HS3ST4: variants seen among roughly 807,000 people sequenced by gnomAD.
The protein encoded by HS3ST4 is heparan sulfate glucosamine 3-O-sulfotransferase 4.
HS3ST4 carries 17 observed loss-of-function variants against 29.2 expected under a neutral mutation model. The ratio of observed to expected loss-of-function variants is 0.58; its 90% CI spans 0.40 to 0.87. The LOEUF (loss-of-function observed/expected upper bound fraction) is 0.87. HS3ST4 is among the 40% of genes least tolerant of loss of function. The probability of loss-of-function intolerance (pLI) is 0.00; values close to 1 mark genes in which losing one functional copy is unlikely to be tolerated. For synonymous variants in HS3ST4, 314 were observed against 285.7 expected, an observed-to-expected ratio of 1.10 and a Z score of -1.00; for missense variants, 627 against 634.5, an observed-to-expected ratio of 0.99 and a Z score of 0.13.
chr16:25,864,713 CAG>C (rs1291627335), intron 1 of HS3ST4, among the ~76,000 whole-genome samples: 1 of 151,970 alleles, frequency 6.6e-6, no homozygotes, highest in Non-Finnish European at 1.5e-5. Flanking sequence ...TCTCAAGTAA[CAG>C]AGTTTCCTTC....
intron 1 of HS3ST4, among the ~76,000 whole-genome samples, chr16:25,846,828 C>T (rs1159641166): frequency 6.6e-6 from 1 of 152,086 alleles, no homozygotes; most frequent in Non-Finnish European, 1.5e-5. Flanking sequence ...GAAGTTTTCT[C>T]AATACCGTCG....
At chr16:26,118,949 C>A (rs1358110070) in intron 1 of HS3ST4, among the ~76,000 whole-genome samples, 1 of 152,152 alleles carries the variant, frequency 6.6e-6, no homozygotes, top group Admixed American at 6.5e-5. Flanking sequence ...ATAATAGCAA[C>A]AATAACAACA....
intron 1 of HS3ST4, among the ~76,000 whole-genome samples, chr16:25,949,988 C>T (rs758458894): frequency 1.5e-4 from 23 of 150,578 alleles, no homozygotes; most frequent in South Asian, 2.1e-4. Context: ...AGCCGCAGTG[C>T]GCCCAGTACC....
chr16:25,694,088 A>G (rs1966276132), intron 1 of HS3ST4, among the ~76,000 whole-genome samples: 1 of 152,124 alleles, frequency 6.6e-6, no homozygotes, highest in South Asian at 2.1e-4. Context: ...CCTGTTTTAT[A>G]TCTTTCTGGG....
intron 1 of HS3ST4, among the ~76,000 whole-genome samples, chr16:25,860,983 G>A (rs1233721130): frequency 6.6e-6 from 1 of 152,166 alleles, no homozygotes; most frequent in Non-Finnish European, 1.5e-5. Context: ...GAGGATATGG[G>A]AAATCCCTGT....
intron 1 of HS3ST4, among the ~76,000 whole-genome samples, chr16:25,789,421 TCCTTCCTTCCTTCCTTCCTTCCTTCCTTC>T (rs1386916170): frequency 2.0e-5 from 1 of 51,132 alleles, no homozygotes; most frequent in African/African-American, 1.1e-4. Flanking sequence ...CTTCCTTCCT[TCCTTCCTTCCTTCCTTCCTTCCTTCCTTC>T]CTTCCTTCCT....
intron 1 of HS3ST4, among the ~76,000 whole-genome samples, chr16:26,081,733 C>G (rs1401609220): frequency 6.6e-6 from 1 of 150,648 alleles, no homozygotes; most frequent in Non-Finnish European, 1.5e-5. Context: ...AGAGAACAAG[C>G]CACTTAGGAA....
In HS3ST4 at chr16:25,953,784, T is replaced by C. The variant is rs533102336; in HGVS notation, c.735-181828T>C. 5.9e-5 allele frequency among the ~76,000 whole-genome samples: 9 copies of C among 152,280 alleles called. No individual in the cohort carries two copies. The South Asian group carries it at 1.9e-3, about 32-fold the overall frequency. ...GGAAGGATGCCAATTCTGGGTGTGT[T>C]CATGAACAAATTATATTGGATCCAT... is the stretch of plus-strand genomic sequence containing the variant. On this transcript the variant is annotated intron_variant, in intron 1 of 1. Transcript: ENST00000331351.
chr16:25,762,600 C>T (rs1337909426), intron 1 of HS3ST4, among the ~76,000 whole-genome samples: 5 of 152,012 alleles, frequency 3.3e-5, no homozygotes, highest in Non-Finnish European at 7.4e-5. Flanking sequence ...CCTGCAACCC[C>T]AGCACACCTG....
intron 1 of HS3ST4, among the ~76,000 whole-genome samples, chr16:25,922,533 TA>T (rs1968364042): frequency 6.6e-6 from 1 of 152,222 alleles, no homozygotes; most frequent in Non-Finnish European, 1.5e-5. Flanking sequence ...CTGAACTGAC[TA>T]AGACACTGGT....
chr16:25,866,444 G>T (rs1967695320), intron 1 of HS3ST4, among the ~76,000 whole-genome samples: 1 of 152,148 alleles, frequency 6.6e-6, no homozygotes, highest in Non-Finnish European at 1.5e-5. Context: ...AGAAAATGTG[G>T]TACATATACA....
At chr16:26,135,561 A>T (rs1567320392) in intron 1 of HS3ST4, 51 bp from the exon 2 acceptor site, 17 of 1,505,630 alleles carry the variant, frequency 1.1e-5, no homozygotes, top group Non-Finnish European at 1.4e-5. Flanking sequence ...AGAAGTTCAG[A>T]TATTTCTGGA....
intron 1 of HS3ST4, among the ~76,000 whole-genome samples, chr16:25,881,279 T>A (rs1407012291): frequency 6.6e-6 from 1 of 152,202 alleles, no homozygotes; most frequent in Non-Finnish European, 1.5e-5. Flanking sequence ...TCTGTCGATA[T>A]AAATTAAAAC....
At chr16:26,127,555 C>G (rs934246394) in intron 1 of HS3ST4, among the ~76,000 whole-genome samples, 1 of 152,208 alleles carries the variant, frequency 6.6e-6, no homozygotes, top group African/African-American at 2.4e-5. Flanking sequence ...TCTCCTTCTC[C>G]TGCCTCTAGT....
At chr16:25,889,909 C>T (rs1967991286) in intron 1 of HS3ST4, among the ~76,000 whole-genome samples, 1 of 23,164 alleles carries the variant, frequency 4.3e-5, no homozygotes, top group Non-Finnish European at 9.3e-5. Context: ...TATACATGCT[C>T]TCTCTCTCTC....
At chr16:26,091,385 T>G (rs1225787046) in intron 1 of HS3ST4, among the ~76,000 whole-genome samples, 2 of 152,232 alleles carry the variant, frequency 1.3e-5, no homozygotes, top group African/African-American at 4.8e-5. Flanking sequence ...TGAATGCCTA[T>G]TGAGTATAAA....
chr16:25,994,730 A>AT (rs1167959030), intron 1 of HS3ST4, among the ~76,000 whole-genome samples: 4 of 152,214 alleles, frequency 2.6e-5, no homozygotes, highest in Non-Finnish European at 5.9e-5. Context: ...AACTAAAAAA[A>AT]ATATATAAGT....
intron 1 of HS3ST4, among the ~76,000 whole-genome samples, chr16:25,915,267 A>T (rs1419146422): frequency 6.6e-6 from 1 of 152,170 alleles, no homozygotes; most frequent in Non-Finnish European, 1.5e-5. Context: ...ACCGCGGAGC[A>T]TCTCCTCTGA....
chr16:25,874,275 A>G (rs1407699274), intron 1 of HS3ST4, among the ~76,000 whole-genome samples: 1 of 152,188 alleles, frequency 6.6e-6, no homozygotes, highest in East Asian at 1.9e-4. Flanking sequence ...ATAGCAAATA[A>G]CATTTAGTCC....
Sources: allele counts gnomAD v4.1 joint callset (sites outside exome capture counted in the v4.1 genomes callset), GRCh38; gene constraint gnomAD v4.1.1; transcripts MANE v1.5; gene names NCBI Gene and HGNC (gene_info 2026-07-23, HGNC 2026-07-21).